The following GPC5 variants were observed in gnomAD, a reference collection of about 807,000 sequenced individuals.
GPC5 encodes glypican 5.
In GPC5, 47 loss-of-function variants were observed where a neutral mutation model predicts 53.9. The observed-to-expected ratio is 0.87, with a 90% CI of 0.69 to 1.11. The LOEUF (loss-of-function observed/expected upper bound fraction) is 1.11, where lower values mean the gene tolerates loss of function less well. Among genes scored for constraint, GPC5 ranks in the 50% most tolerant of loss-of-function variants. GPC5 has a pLI of 0.00. For synonymous variants in GPC5, 286 were observed against 263.3 expected, an observed-to-expected ratio of 1.09 and a Z score of -0.84; for missense variants, 748 against 713.1, an observed-to-expected ratio of 1.05 and a Z score of -0.56.
intron 6 of GPC5, among the ~76,000 whole-genome samples, chr13:92,067,522 C>T (rs1303836957): frequency 2.0e-5 from 3 of 151,972 alleles, no homozygotes; most frequent in Non-Finnish European, 4.4e-5. Flanking sequence ...ATCACTTTAA[C>T]ATGACAGCTG....
At chr13:92,428,947 C>T (rs756434502) in intron 7 of GPC5, among the ~76,000 whole-genome samples, 46 of 151,764 alleles carry the variant, frequency 3.0e-4, no homozygotes, top group Non-Finnish European at 4.9e-4. Flanking sequence ...AAATCTGTGA[C>T]GAAAGAATAA....
Position 91,571,892 on chromosome 13 carries a change from T to TGTGTATACACAC in GPC5, c.326-121295_326-121294insGTGTATACACAC, listed in dbSNP as rs1566516035. On this transcript the variant is annotated intron_variant, in intron 2 of 7. Transcript: ENST00000377067. ...GTATATATACACACATATACGTGTG[T>TGTGTATACACAC]ATATACACATATTGTATATATACAC... 1.6e-3 allele frequency among the ~76,000 whole-genome samples: 116 copies of TGTGTATACACAC among 73,022 alleles called. 11 individuals carry two copies. The highest frequency in any genetic ancestry group is 2.3e-3 in the Non-Finnish European group (94 of 41,186). The allele number at this position is 73,022 out of a possible 152,430, so 47.9% of individuals were successfully genotyped here. A position where few individuals can be genotyped will look rare whatever the true frequency, so the allele number is the denominator to read the frequency against.
chr13:91,459,045 T>G (rs1336332323), intron 2 of GPC5, among the ~76,000 whole-genome samples: 14 of 151,886 alleles, frequency 9.2e-5, no homozygotes, highest in Admixed American at 9.2e-4. Flanking sequence ...ACAATGGACT[T>G]TGGGGACTCG....
chr13:92,434,766 C>T (rs1877234277), intron 7 of GPC5, among the ~76,000 whole-genome samples: 1 of 152,144 alleles, frequency 6.6e-6, no homozygotes, highest in South Asian at 2.1e-4. Context: ...AAATACCCTC[C>T]TAAAGGTCAC....
At chr13:92,465,193 G>A (rs1003400243) in intron 7 of GPC5, among the ~76,000 whole-genome samples, 1 of 152,018 alleles carries the variant, frequency 6.6e-6, no homozygotes, top group Non-Finnish European at 1.5e-5. Flanking sequence ...TTTGAGGCAT[G>A]AGAATACACA....
chr13:92,078,518 T>C (rs773754246), intron 6 of GPC5, among the ~76,000 whole-genome samples: 3 of 152,228 alleles, frequency 2.0e-5, no homozygotes, highest in African/African-American at 4.8e-5. Context: ...TATGTAAGTG[T>C]TAGCCATGAT....
intron 7 of GPC5, among the ~76,000 whole-genome samples, chr13:92,337,157 A>C (rs772665187): frequency 7.3e-5 from 11 of 151,300 alleles, no homozygotes; most frequent in Non-Finnish European, 1.3e-4. Context: ...ATGTAATTTT[A>C]AATAAAAAAA....
intron 2 of GPC5, among the ~76,000 whole-genome samples, chr13:91,512,010 G>A (rs571604240): frequency 6.6e-6 from 1 of 152,238 alleles, no homozygotes; most frequent in South Asian, 2.1e-4. Context: ...ATTAATGTGG[G>A]AGTCTGAGTC....
chr13:92,120,861 A>G (rs137945679), intron 6 of GPC5, among the ~76,000 whole-genome samples: 2,093 of 152,322 alleles, frequency 0.014, 36 homozygotes, highest in Non-Finnish European at 0.02. Context: ...ATCAATTCAT[A>G]TTCAAATGAA....
intron 6 of GPC5, among the ~76,000 whole-genome samples, chr13:91,957,143 G>A (rs2040080684): frequency 6.6e-6 from 1 of 152,026 alleles, no homozygotes; most frequent in Admixed American, 6.6e-5. Context: ...GTAAAAAAAT[G>A]GAAATTCTGG....
At chr13:91,893,973 C>T (rs1024491604) in intron 5 of GPC5, among the ~76,000 whole-genome samples, 1 of 90,096 alleles carries the variant, frequency 1.1e-5, no homozygotes, top group African/African-American at 5.7e-5. Context: ...TTTTTCTGGC[C>T]CCTGCATGGC....
chr13:92,638,819 A>G (rs1885496344), intron 7 of GPC5, among the ~76,000 whole-genome samples: 1 of 152,228 alleles, frequency 6.6e-6, no homozygotes, highest in Non-Finnish European at 1.5e-5. Flanking sequence ...GAAAGCATTC[A>G]TGAAAAAAGG....
intron 7 of GPC5, among the ~76,000 whole-genome samples, chr13:92,849,034 A>G (rs540969640): frequency 1.3e-5 from 2 of 152,258 alleles, no homozygotes; most frequent in East Asian, 3.9e-4. Context: ...TCACACACGC[A>G]TCTGTTATTT....
chr13:92,343,521 G>A (rs1364351676), intron 7 of GPC5, among the ~76,000 whole-genome samples: 1 of 151,936 alleles, frequency 6.6e-6, no homozygotes, highest in Non-Finnish European at 1.5e-5. Context: ...CTCAAATTCT[G>A]CTTTTGACAA....
chr13:91,760,322 T>C (rs949731953), intron 5 of GPC5, among the ~76,000 whole-genome samples: 9 of 152,154 alleles, frequency 5.9e-5, no homozygotes, highest in African/African-American at 2.2e-4. Flanking sequence ...ATTAACCACT[T>C]TCTCCTTGAG....
At chr13:91,550,521 C>T (rs140661577) in intron 2 of GPC5, among the ~76,000 whole-genome samples, 6 of 152,178 alleles carry the variant, frequency 3.9e-5, no homozygotes, top group Admixed American at 3.9e-4. Context: ...TAAAACTTCT[C>T]TGAATATATT....
chr13:92,613,900 C>A (rs1347694871), intron 7 of GPC5, among the ~76,000 whole-genome samples: 7 of 151,180 alleles, frequency 4.6e-5, no homozygotes, highest in African/African-American at 1.7e-4. Context: ...AAACAAAAAA[C>A]CAAAAAGTGA....
chr13:92,516,744 C>T (rs1471642889), intron 7 of GPC5, among the ~76,000 whole-genome samples: 1 of 152,098 alleles, frequency 6.6e-6, no homozygotes, highest in Non-Finnish European at 1.5e-5. Flanking sequence ...TCTGCAGCTC[C>T]CAGCATGAGC....
intron 6 of GPC5, among the ~76,000 whole-genome samples, chr13:92,136,835 C>G (rs147725258): frequency 9.8e-4 from 149 of 152,254 alleles, no homozygotes; most frequent in African/African-American, 3.5e-3. Context: ...AAAAAGCAAA[C>G]TGATTCTATT....
Sources: gnomAD v4.1 joint callset for allele counts (sites outside exome capture counted in the v4.1 genomes callset) on GRCh38, gnomAD v4.1.1 for gene constraint, MANE v1.5 for transcripts, NCBI Gene and HGNC (gene_info 2026-07-23, HGNC 2026-07-21) for gene names.